CLEC16A: variants seen among roughly 807,000 people sequenced by gnomAD.
CLEC16A encodes the protein protein CLEC16A.
CLEC16A carries 51 observed loss-of-function variants against 109.5 expected under a neutral mutation model. The observed-to-expected ratio is 0.47, with a 90% CI of 0.37 to 0.59. CLEC16A has a LOEUF of 0.59. CLEC16A is among the 20% of genes least tolerant of loss of function. The pLI is 0.00. For missense variants in CLEC16A, 1,339 were observed against 1,394.0 expected, an observed-to-expected ratio of 0.96 and a Z score of 0.63; for synonymous variants, 673 against 564.2, an observed-to-expected ratio of 1.19 and a Z score of -2.73.
intron 11 of CLEC16A, among the ~76,000 whole-genome samples, chr16:11,005,617 C>G (rs1353411765): frequency 6.6e-6 from 1 of 152,204 alleles, no homozygotes; most frequent in Non-Finnish European, 1.5e-5. Flanking sequence ...GGCAACAGCA[C>G]TTGTATTCTG....
intron 21 of CLEC16A, among the ~76,000 whole-genome samples, chr16:11,125,543 T>A (rs982093860): frequency 1.3e-5 from 2 of 152,228 alleles, no homozygotes; most frequent in African/African-American, 4.8e-5. Flanking sequence ...CACATCCATA[T>A]TTTCGCATGC....
In CLEC16A at chr16:11,095,899, T is replaced by G. The variant is rs566784424; in HGVS notation, c.2117-24716T>G. Among the ~76,000 whole-genome samples the G allele has an allele frequency of 7.5e-4, 114 of 151,418 alleles. 2 individuals carry two copies. Among genetic ancestry groups the G allele is most frequent in the Admixed American group, 7.3e-3 (112 of 15,240 alleles). ...CCAAAGGAGACCTTCACTTTGGAAG[T>G]TAATGGACTCAAACTCCTGGGTTCA... is the stretch of plus-strand genomic sequence containing the variant. On this transcript the variant is annotated intron_variant, in intron 19 of 23. Transcript: ENST00000409790.
At chr16:11,170,472 A>T (rs1341809425) in intron 23 of CLEC16A, among the ~76,000 whole-genome samples, 2 of 152,122 alleles carry the variant, frequency 1.3e-5, no homozygotes, top group African/African-American at 2.4e-5. Flanking sequence ...CTGAGTTTGA[A>T]AACTCTCCAC....
intron 22 of CLEC16A, among the ~76,000 whole-genome samples, chr16:11,154,496 C>G (rs1026069542): frequency 6.6e-6 from 1 of 152,210 alleles, no homozygotes; most frequent in Non-Finnish European, 1.5e-5. Context: ...TCATGTCTCA[C>G]TTTGTTAACT....
chr16:11,074,521 G>A (rs897648540), intron 19 of CLEC16A, among the ~76,000 whole-genome samples: 1 of 152,134 alleles, frequency 6.6e-6, no homozygotes, highest in South Asian at 2.1e-4. Flanking sequence ...TGTTTCCTGT[G>A]TATTGATTAT....
intron 19 of CLEC16A, among the ~76,000 whole-genome samples, chr16:11,067,921 G>A (rs1449130213): frequency 2.6e-5 from 4 of 152,174 alleles, no homozygotes; most frequent in Admixed American, 1.3e-4. Context: ...TCTCCAAACC[G>A]TCGTACCTTT....
chr16:11,142,356 G>T (rs931362422), intron 22 of CLEC16A, among the ~76,000 whole-genome samples: 4 of 152,212 alleles, frequency 2.6e-5, no homozygotes, highest in African/African-American at 7.2e-5. Context: ...CCTCACATGC[G>T]TGGCTCCTGG....
At chr16:11,094,129 T>G (rs1455220642) in intron 19 of CLEC16A, among the ~76,000 whole-genome samples, 2 of 152,192 alleles carry the variant, frequency 1.3e-5, no homozygotes, top group Non-Finnish European at 2.9e-5. Context: ...CATGCCCTGG[T>G]CTCAACCTTT....
intron 18 of CLEC16A, among the ~76,000 whole-genome samples, chr16:11,056,051 G>C (rs1480496410): frequency 6.6e-6 from 1 of 152,186 alleles, no homozygotes; most frequent in East Asian, 1.9e-4. Context: ...CATGCCAGCT[G>C]AGAAGGGAAA....
At chr16:11,162,849 T>A (rs2153089471) in intron 22 of CLEC16A, among the ~76,000 whole-genome samples, 1 of 152,326 alleles carries the variant, frequency 6.6e-6, no homozygotes, top group Non-Finnish European at 1.5e-5. Context: ...GGTATGTGCA[T>A]CCACCCACAG....
At chr16:10,998,789 G>A (rs1268345911) in intron 10 of CLEC16A, among the ~76,000 whole-genome samples, 1 of 152,120 alleles carries the variant, frequency 6.6e-6, no homozygotes, top group Non-Finnish European at 1.5e-5. Context: ...AGGCACCGTG[G>A]GGTAGAGATG....
intron 11 of CLEC16A, 125 bp from the exon 12 acceptor site, chr16:11,020,068 T>C (rs983803304): frequency 8.8e-7 from 1 of 1,130,622 alleles, no homozygotes; most frequent in Non-Finnish European, 1.2e-6. Flanking sequence ...AGGTCGCTGC[T>C]GTCGGACATG....
chr16:11,170,355 G>A (rs562623031), intron 23 of CLEC16A, among the ~76,000 whole-genome samples: 3 of 152,316 alleles, frequency 2.0e-5, no homozygotes, highest in East Asian at 3.9e-4. Context: ...TGGACCCCAG[G>A]GAGCCCACGT....
intron 22 of CLEC16A, among the ~76,000 whole-genome samples, chr16:11,147,754 A>G (rs1038400084): frequency 4.6e-5 from 7 of 152,268 alleles, no homozygotes; most frequent in Non-Finnish European, 1.0e-4. Context: ...CAAAGCTGTC[A>G]TCCGACAGCA....
intron 22 of CLEC16A, among the ~76,000 whole-genome samples, chr16:11,146,547 TA>T (rs747650652): frequency 1.9e-4 from 28 of 146,736 alleles, no homozygotes; most frequent in Non-Finnish European, 3.3e-4. Context: ...TGGATGGGTA[TA>T]GAAGGATGGA....
At chr16:11,015,822 C>G (rs1185071854) in intron 11 of CLEC16A, among the ~76,000 whole-genome samples, 1 of 152,212 alleles carries the variant, frequency 6.6e-6, no homozygotes, top group Admixed American at 6.5e-5. Context: ...AGCTGAGTTC[C>G]CACTGTGTCA....
In CLEC16A at chr16:11,174,160, G is replaced by A. The variant is rs1012748631; in HGVS notation, c.2807-4175G>A. ...CGCTGTGTTTTCCCTCTAGTCAGGA[G>A]TGGCAGGAAAGGACGCCGACGAGTG... is the stretch of plus-strand genomic sequence containing the variant. On this transcript the variant is annotated intron_variant, in intron 23 of 23. Coordinates refer to ENST00000409790, the MANE Select transcript of CLEC16A (RefSeq NM_015226.3). This position sits in a 1 kb window ranked among gnomAD's most constrained non-coding sequence, Gnocchi z 4.7. 5.5e-5 allele frequency: 26 copies of A among 470,226 alleles called. No individual in the cohort carries two copies. The highest frequency in any genetic ancestry group is 5.4e-4 in the Admixed American group (23 of 42,564). 29.1% of individuals were successfully genotyped at this position (470,226 alleles called of 1,614,324 possible).
At chr16:11,124,650 A>G (rs929597388) in intron 21 of CLEC16A, among the ~76,000 whole-genome samples, 1 of 152,226 alleles carries the variant, frequency 6.6e-6, no homozygotes, top group African/African-American at 2.4e-5. Flanking sequence ...GGGGGAAGGC[A>G]TGCTGTCAAC....
chr16:11,007,476 C>T (rs1381711535), intron 11 of CLEC16A, among the ~76,000 whole-genome samples: 2 of 152,172 alleles, frequency 1.3e-5, no homozygotes, highest in Non-Finnish European at 2.9e-5. Flanking sequence ...CCAGCTCTGC[C>T]CCTGAACAGC....
Sources: gnomAD v4.1 joint callset for allele counts (sites outside exome capture counted in the v4.1 genomes callset) on GRCh38, gnomAD v4.1.1 for gene constraint, Gnocchi (gnomAD v3.1) non-coding constraint, MANE v1.5 for transcripts, NCBI Gene and HGNC (gene_info 2026-07-23, HGNC 2026-07-21) for gene names.